The following RARB variants were observed in gnomAD, a reference collection of about 807,000 sequenced individuals.
RARB encodes retinoic acid receptor beta, also known as HBV-activated protein.
RARB carries 17 observed loss-of-function variants against 51.9 expected under a neutral mutation model. The observed-to-expected ratio is 0.33, with a 90% CI of 0.22 to 0.49. The LOEUF is 0.49. Among genes scored for constraint, RARB ranks in the 20% least tolerant of loss-of-function variants. The pLI is 0.99. For synonymous variants in RARB, 215 were observed against 195.4 expected (o/e 1.10, Z -0.84); for missense variants, 369 against 550.8 (o/e 0.67, Z 3.30).
intron 5 of RARB, among the ~76,000 whole-genome samples, chr3:25,219,435 G>C (rs377267115): frequency 6.6e-6 from 1 of 152,272 alleles, no homozygotes. Flanking sequence ...ACCACTTTGA[G>C]TGTTTCCTAA....
chr3:25,109,045 C>G (rs1346649454), intron 3 of RARB, among the ~76,000 whole-genome samples: 1 of 152,146 alleles, frequency 6.6e-6, no homozygotes, highest in East Asian at 1.9e-4. Flanking sequence ...GATGTGATAC[C>G]TAGCCTTTTA....
intron 3 of RARB, among the ~76,000 whole-genome samples, chr3:25,123,995 T>C (rs1699824428): frequency 2.0e-5 from 3 of 152,130 alleles, no homozygotes; most frequent in African/African-American, 7.2e-5. Flanking sequence ...ATACACCCCT[T>C]AGTAAAGGGA....
At chr3:25,060,681 T>C (rs562934572) in intron 3 of RARB, among the ~76,000 whole-genome samples, 5 of 151,938 alleles carry the variant, frequency 3.3e-5, no homozygotes, top group Admixed American at 2.0e-4. Flanking sequence ...TAGAAAACAA[T>C]GAAGCTGAAG....
intron 3 of RARB, 139 bp from the exon 4 acceptor site, chr3:25,569,619 G>A (rs965354236): frequency 9.9e-7 from 1 of 1,012,668 alleles, no homozygotes; most frequent in Admixed American, 2.5e-5. Context: ...AGGGAGGTGT[G>A]TTATTACCAC....
intron 5 of RARB, among the ~76,000 whole-genome samples, chr3:25,233,201 C>A (rs1247292936): frequency 6.6e-6 from 1 of 151,932 alleles, no homozygotes; most frequent in Non-Finnish European, 1.5e-5. Flanking sequence ...CCTCATGATC[C>A]AATCACCTCA....
At chr3:25,152,544 G>A (rs1446183886) in intron 4 of RARB, among the ~76,000 whole-genome samples, 1 of 151,824 alleles carries the variant, frequency 6.6e-6, no homozygotes, top group African/African-American at 2.4e-5. Context: ...TCCCAGGGAA[G>A]GAAAAAAATA....
At chr3:24,913,425 CAG>C (rs1695042878) in intron 2 of RARB, among the ~76,000 whole-genome samples, 1 of 113,318 alleles carries the variant, frequency 8.8e-6, no homozygotes, top group Non-Finnish European at 1.7e-5. Flanking sequence ...TTTTTTTGGT[CAG>C]AGATCGTCTA....
At chr3:25,184,287 A>T (rs904401939) in intron 5 of RARB, among the ~76,000 whole-genome samples, 11 of 152,132 alleles carry the variant, frequency 7.2e-5, no homozygotes, top group South Asian at 6.2e-4. Context: ...AGACAAAATT[A>T]AAAAAATAGG....
intron 2 of RARB, among the ~76,000 whole-genome samples, chr3:24,873,432 C>T (rs1461758833): frequency 1.3e-5 from 2 of 151,956 alleles, no homozygotes; most frequent in Non-Finnish European, 2.9e-5. Flanking sequence ...TACTTCTTAT[C>T]AGTTGTCTTT....
chr3:25,447,564 C>T (rs746412033), intron 1 of RARB, among the ~76,000 whole-genome samples: 9 of 152,150 alleles, frequency 5.9e-5, no homozygotes, highest in Non-Finnish European at 1.3e-4. Flanking sequence ...CCCCAAACCA[C>T]CTTGGTCCTT....
intron 5 of RARB, among the ~76,000 whole-genome samples, chr3:25,182,637 C>A (rs1389841770): frequency 6.6e-6 from 1 of 152,116 alleles, no homozygotes; most frequent in Non-Finnish European, 1.5e-5. Context: ...TGGGTAAATC[C>A]ATGAGAATGA....
At chr3:25,209,253 G>A (rs971746969) in intron 5 of RARB, among the ~76,000 whole-genome samples, 2 of 152,218 alleles carry the variant, frequency 1.3e-5, no homozygotes, top group African/African-American at 4.8e-5. Context: ...CCTGGGACCA[G>A]AGGAAGTTAC....
intron 5 of RARB, among the ~76,000 whole-genome samples, chr3:25,350,983 C>G (rs1208115645): frequency 6.6e-6 from 1 of 152,134 alleles, no homozygotes; most frequent in Admixed American, 6.6e-5. Flanking sequence ...CTTTATTTGG[C>G]CAATTAGGCT....
chr3:25,581,772 C>T (rs1701187841), intron 5 of RARB, among the ~76,000 whole-genome samples: 1 of 152,082 alleles, frequency 6.6e-6, no homozygotes, highest in African/African-American at 2.4e-5. Flanking sequence ...ACCAGAGCTC[C>T]CTTTCTCTTT....
intron 3 of RARB, among the ~76,000 whole-genome samples, chr3:25,526,441 A>C (rs895173620): frequency 6.6e-6 from 1 of 152,220 alleles, no homozygotes; most frequent in Non-Finnish European, 1.5e-5. Flanking sequence ...TGTGTGGAGA[A>C]TAGATTGGGC....
chr3:25,464,005 A>G (rs1695313984), intron 2 of RARB, among the ~76,000 whole-genome samples: 1 of 152,208 alleles, frequency 6.6e-6, no homozygotes. Flanking sequence ...ACTTAAATTT[A>G]TCCTGAGATT....
intron 5 of RARB, among the ~76,000 whole-genome samples, chr3:25,409,582 A>G (rs1404090231): frequency 6.6e-6 from 1 of 152,186 alleles, no homozygotes; most frequent in Non-Finnish European, 1.5e-5. Context: ...TAGGCCAATA[A>G]TACATTTAAT....
Position 25,578,701 on chromosome 3 carries a change from A to G in RARB, c.610-1845A>G, listed in dbSNP as rs1009254218. Among the ~76,000 whole-genome samples the G allele has an allele frequency of 3.3e-5, 5 of 152,086 alleles. No individual in the cohort carries two copies. In the East Asian group the frequency reaches 5.8e-4, roughly 18 times the overall value. ...AAATAAATCTGGAGGATGCATGTCT[A>G]CTCTCCACAAGGAACGTCGTGGAAG... On this transcript the variant is annotated intron_variant, in intron 4 of 7. Transcript: ENST00000330688.
At chr3:25,298,412 C>A (rs1703966808) in intron 5 of RARB, among the ~76,000 whole-genome samples, 1 of 152,076 alleles carries the variant, frequency 6.6e-6, no homozygotes, top group Non-Finnish European at 1.5e-5. Flanking sequence ...CAACTCCTGA[C>A]CTCGTGACCC....
Sources: gnomAD v4.1 joint callset for allele counts (sites outside exome capture counted in the v4.1 genomes callset) on GRCh38, gnomAD v4.1.1 for gene constraint, MANE v1.5 for transcripts, NCBI Gene and HGNC (gene_info 2026-07-23, HGNC 2026-07-21) for gene names.